The following SLC39A11 variants were observed in gnomAD, a reference collection of about 807,000 sequenced individuals.
SLC39A11 encodes zinc transporter ZIP11.
In SLC39A11, 33 loss-of-function variants were observed where a neutral mutation model predicts 36.1. The observed-to-expected ratio is 0.91, with a 90% CI of 0.69 to 1.22. The LOEUF is 1.22. Among genes scored for constraint, SLC39A11 ranks in the 50% most tolerant of loss-of-function variants. SLC39A11 has a pLI of 0.00. For missense variants in SLC39A11, 432 were observed against 430.3 expected, an observed-to-expected ratio of 1.00 and a Z score of -0.03; for synonymous variants, 166 against 170.3, an observed-to-expected ratio of 0.97 and a Z score of 0.20.
chr17:72,995,412 T>C (rs1384426769), intron 4 of SLC39A11, among the ~76,000 whole-genome samples: 4 of 152,234 alleles, frequency 2.6e-5, no homozygotes, highest in Non-Finnish European at 5.9e-5. Flanking sequence ...CTCCCTGTGA[T>C]GGTTAATTTC....
chr17:72,948,755 C>T (rs2085618269), intron 4 of SLC39A11, among the ~76,000 whole-genome samples: 1 of 152,212 alleles, frequency 6.6e-6, no homozygotes. Flanking sequence ...GTTTGATCCT[C>T]ACATTTATTT....
chr17:72,949,650 C>T lies in SLC39A11; in HGVS notation c.307-1775G>A, dbSNP rs548777490. 4.0e-5 allele frequency among the ~76,000 whole-genome samples: 6 copies of T among 151,750 alleles called. No homozygotes were observed. In the South Asian group the frequency reaches 1.2e-3, roughly 32 times the overall value. On this transcript the variant is annotated intron_variant, in intron 4 of 9. Coordinates refer to ENST00000255559, the MANE Select transcript of SLC39A11 (RefSeq NM_139177.4). ...ATTAATCCCACTCATGAGGGTTCTA[C>T]CCTCATAATCTAATGATCACCCAAA... is the stretch of plus-strand genomic sequence containing the variant.
chr17:72,815,333 G>A (rs1014662949), intron 6 of SLC39A11, among the ~76,000 whole-genome samples: 3 of 152,206 alleles, frequency 2.0e-5, no homozygotes, highest in African/African-American at 4.8e-5. Context: ...AAAGAATGCA[G>A]GAGAGGCTGG....
chr17:72,912,934 C>A (rs1453502159), intron 5 of SLC39A11, among the ~76,000 whole-genome samples: 1 of 152,234 alleles, frequency 6.6e-6, no homozygotes, highest in African/African-American at 2.4e-5. Flanking sequence ...GACAGCTGAA[C>A]CCCAAGAGCT....
At chr17:72,676,623 T>C (rs1167492677) in intron 7 of SLC39A11, among the ~76,000 whole-genome samples, 1 of 152,112 alleles carries the variant, frequency 6.6e-6, no homozygotes, top group Non-Finnish European at 1.5e-5. Context: ...CCTTAGGCAG[T>C]TCCTGGGAAC....
At chr17:72,812,830 G>T (rs948689349) in intron 6 of SLC39A11, among the ~76,000 whole-genome samples, 1 of 152,098 alleles carries the variant, frequency 6.6e-6, no homozygotes, top group East Asian at 1.9e-4. Context: ...TGCTTGGGGG[G>T]GTTTAGTTTT....
At chr17:73,009,058 C>CAAAAAAAA (rs34448509) in intron 4 of SLC39A11, among the ~76,000 whole-genome samples, 3 of 78,832 alleles carry the variant, frequency 3.8e-5, no homozygotes, top group African/African-American at 1.4e-4. Context: ...AGACCTGCCT[C>CAAAAAAAA]AAAAAAAAAA....
intron 7 of SLC39A11, among the ~76,000 whole-genome samples, chr17:72,707,111 T>C (rs1043356061): frequency 2.0e-5 from 3 of 152,174 alleles, no homozygotes; most frequent in African/African-American, 7.2e-5. Context: ...CATTAGCAAT[T>C]TTGCTAGGCC....
At chr17:72,658,326 C>T (rs1235882601) in intron 7 of SLC39A11, among the ~76,000 whole-genome samples, 1 of 152,154 alleles carries the variant, frequency 6.6e-6, no homozygotes, top group Non-Finnish European at 1.5e-5. Flanking sequence ...GCTCTTCCAA[C>T]CTGGTAGAGG....
intron 7 of SLC39A11, among the ~76,000 whole-genome samples, chr17:72,714,424 T>C (rs191863179): frequency 3.2e-4 from 48 of 152,096 alleles, no homozygotes; most frequent in Non-Finnish European, 5.9e-4. Context: ...TGGCAAAAAC[T>C]GCAATTACTT....
chr17:73,065,567 G>A (rs576812599), intron 3 of SLC39A11, among the ~76,000 whole-genome samples: 32 of 152,106 alleles, frequency 2.1e-4, no homozygotes, highest in African/African-American at 7.0e-4. Context: ...TCCTTCCCCC[G>A]AGCAAAAAGA....
At chr17:72,709,442 G>A (rs753382833) in intron 7 of SLC39A11, among the ~76,000 whole-genome samples, 1 of 152,152 alleles carries the variant, frequency 6.6e-6, no homozygotes, top group African/African-American at 2.4e-5. Context: ...GCCCAGGTGT[G>A]GACACCTGCC....
At chr17:72,756,910 G>A (rs2075378188) in intron 6 of SLC39A11, among the ~76,000 whole-genome samples, 1 of 151,672 alleles carries the variant, frequency 6.6e-6, no homozygotes, top group African/African-American at 2.4e-5. Context: ...AGCACTTTGG[G>A]AGACCGAGGC....
chr17:72,887,689 G>C (rs962671967), intron 5 of SLC39A11, among the ~76,000 whole-genome samples: 8 of 152,034 alleles, frequency 5.3e-5, no homozygotes, highest in African/African-American at 1.9e-4. Flanking sequence ...TATATTGCAG[G>C]CATTCAGGGA....
chr17:72,677,853 A>G lies in SLC39A11; in HGVS notation c.672-28585T>C, dbSNP rs142542289. Among the ~76,000 whole-genome samples the G allele has an allele frequency of 5.9e-5, 9 of 152,320 alleles. 1 individual carries two copies. The highest frequency in any genetic ancestry group is 2.1e-4 in the South Asian group (1 of 4,826). On this transcript the variant is annotated intron_variant, in intron 7 of 9. Transcript: ENST00000255559. ...AAAGAAAATGTGGTACATTTACACA[A>G]TGCGGGAGGGAGAGAAGGCTACCGA...
At position 72,991,649 on chromosome 17, in the gene SLC39A11, G is replaced by A. The variant is rs192087006; in HGVS notation, c.306+39907C>T. Among the ~76,000 whole-genome samples the A allele has an allele frequency of 9.2e-5, 14 of 152,232 alleles. 1 individual carries two copies. The East Asian group carries it at 2.7e-3, about 29-fold the overall frequency. On this transcript the variant is annotated intron_variant, in intron 4 of 9. Transcript: ENST00000255559. ...GCTGGGATTACAGGTGTGAGCCACT[G>A]GGCCCGGCCATGCAACTTACTTTTT...
At chr17:72,970,729 G>C (rs925718357) in intron 4 of SLC39A11, among the ~76,000 whole-genome samples, 1 of 152,248 alleles carries the variant, frequency 6.6e-6, no homozygotes, top group African/African-American at 2.4e-5. Context: ...GAGTGCCTGG[G>C]TCAAAGGGCC....
chr17:72,795,113 G>C (rs1176101834), intron 6 of SLC39A11, among the ~76,000 whole-genome samples: 5 of 152,110 alleles, frequency 3.3e-5, no homozygotes, highest in Non-Finnish European at 7.3e-5. Flanking sequence ...ATCTACTGCT[G>C]TATAACATCT....
At chr17:72,717,713 A>G (rs2073466558) in intron 7 of SLC39A11, among the ~76,000 whole-genome samples, 1 of 152,236 alleles carries the variant, frequency 6.6e-6, no homozygotes, top group Non-Finnish European at 1.5e-5. Flanking sequence ...ATAAGGTTAC[A>G]GTCACAGGTC....
Sources: allele counts gnomAD v4.1 joint callset (sites outside exome capture counted in the v4.1 genomes callset), GRCh38; gene constraint gnomAD v4.1.1; transcripts MANE v1.5; gene names NCBI Gene and HGNC (gene_info 2026-07-23, HGNC 2026-07-21).